Variants in INPP4B observed in about 807,000 individuals in gnomAD.
INPP4B encodes the protein inositol polyphosphate-4-phosphatase type II B.
INPP4B carries 55 observed loss-of-function variants against 122.5 expected under a neutral mutation model. The ratio of observed to expected loss-of-function variants is 0.45; its 90% confidence interval spans 0.36 to 0.56. The LOEUF (loss-of-function observed/expected upper bound fraction) is 0.56. Among genes scored for constraint, INPP4B ranks in the 20% least tolerant of loss-of-function variants. INPP4B has a pLI of 0.00. For synonymous variants in INPP4B, 403 were observed against 388.7 expected (o/e 1.04, Z -0.43); for missense variants, 1,000 against 1,097.7 (o/e 0.91, Z 1.26).
intron 2 of INPP4B, among the ~76,000 whole-genome samples, chr4:142,574,842 G>T (rs1391310793): frequency 6.6e-6 from 1 of 152,028 alleles, no homozygotes. Context: ...GCTCCCTAAA[G>T]GGAAGGCAGG....
intron 2 of INPP4B, among the ~76,000 whole-genome samples, chr4:142,464,290 A>G (rs570549713): frequency 6.6e-6 from 1 of 152,298 alleles, no homozygotes; most frequent in Non-Finnish European, 1.5e-5. Context: ...TATCTTTTAT[A>G]AAATGATTTC....
At chr4:142,232,019 C>T (rs983902184) in intron 12 of INPP4B, among the ~76,000 whole-genome samples, 14 of 152,018 alleles carry the variant, frequency 9.2e-5, no homozygotes, top group Non-Finnish European at 1.8e-4. Flanking sequence ...CAAATATTGT[C>T]GATGAGTGCT....
At chr4:142,511,606 C>T (rs2149869306) in intron 2 of INPP4B, among the ~76,000 whole-genome samples, 1 of 152,232 alleles carries the variant, frequency 6.6e-6, no homozygotes, top group Admixed American at 6.5e-5. Flanking sequence ...GCATTAGAAT[C>T]ACCTATGGAG....
chr4:142,103,505 T>C (rs745949315), intron 23 of INPP4B, among the ~76,000 whole-genome samples: 34 of 152,006 alleles, frequency 2.2e-4, no homozygotes, highest in Non-Finnish European at 3.1e-4. Context: ...ATACAACGAG[T>C]GTCAGAAGTG....
chr4:142,048,536 A>G (rs982718885), intron 25 of INPP4B, among the ~76,000 whole-genome samples: 8 of 151,932 alleles, frequency 5.3e-5, no homozygotes, highest in Non-Finnish European at 8.8e-5. Flanking sequence ...AAAAAGAAAT[A>G]AAGAGAGGCA....
At position 142,124,601 on chromosome 4, in the gene INPP4B, A is replaced by G; in HGVS notation, c.1880T>C (p.Val627Ala). The G allele has an allele frequency of 6.2e-7, 1 of 1,613,410 alleles. No homozygotes were observed. ...CLMLTLRRDI[V>A]FSQALAGLVC... is the part of the protein sequence containing the mutation. ...ACAGGCACCTACTGCTTGGCTGAAG[A>G]CGATGTCTCTTCTTAGCGTCAGCAT... The change falls in exon 19 of 26, where the codon GTC (valine) becomes GCC (alanine). Residue 627 changes from valine (V) to alanine (A), a missense_variant. Val to Ala is a moderately conservative substitution (Grantham distance 64). Coordinates refer to ENST00000262992, the MANE Select transcript of INPP4B (RefSeq NM_001101669.3).
chr4:142,807,865 A>C (rs1779048584), intron 1 of INPP4B, among the ~76,000 whole-genome samples: 1 of 152,208 alleles, frequency 6.6e-6, no homozygotes, highest in South Asian at 2.1e-4. Flanking sequence ...TAAATATGCT[A>C]ACATTTATAC....
chr4:142,746,328 C>T lies in INPP4B; in HGVS notation c.-253-20427G>A, dbSNP rs149992110. On this transcript the variant is annotated intron_variant, in intron 1 of 25. Transcript: ENST00000262992. ...TATGACTTACAAGGGATGTGAAGAGCCTCTTCAAGGGGAACTACAAACCAC... is the reference window on the plus strand; with the variant it reads ...TATGACTTACAAGGGATGTGAAGAGTCTCTTCAAGGGGAACTACAAACCAC... Among the ~76,000 whole-genome samples the T allele has an allele frequency of 1.9e-3, 293 of 151,974 alleles. 4 individuals carry two copies. The East Asian group carries it at 0.051, about 26-fold the overall frequency.
At chr4:142,625,492 CAAAT>C (rs1746136773) in intron 2 of INPP4B, among the ~76,000 whole-genome samples, 1 of 152,046 alleles carries the variant, frequency 6.6e-6, no homozygotes, top group African/African-American at 2.4e-5. Context: ...AGGACACAAA[CAAAT>C]AGAAGAACAT....
intron 1 of INPP4B, among the ~76,000 whole-genome samples, chr4:142,833,056 G>GT (rs770307066): frequency 0.016 from 2,434 of 148,692 alleles, 32 homozygotes; most frequent in Non-Finnish European, 0.023. Flanking sequence ...TTTTTTTCTA[G>GT]TTTTTTTTTT....
In INPP4B at chr4:142,562,714, A is replaced by C. The variant is rs1050085040; in HGVS notation, c.-190-99988T>G. On this transcript the variant is annotated intron_variant, in intron 2 of 25. Coordinates refer to ENST00000262992, the MANE Select transcript of INPP4B (RefSeq NM_001101669.3). ...TTATTTAGAATCTATAAGAAAAAAAAATAGAGAGATAATAAAATAAAGAGA... is the reference window on the plus strand; with the variant it reads ...TTATTTAGAATCTATAAGAAAAAAACATAGAGAGATAATAAAATAAAGAGA... Among the ~76,000 whole-genome samples the C allele has an allele frequency of 5.7e-4, 87 of 152,300 alleles. 2 individuals carry two copies. The highest frequency in any genetic ancestry group is 1.2e-3 in the Non-Finnish European group (81 of 68,022).
intron 18 of INPP4B, 111 bp from the exon 19 acceptor site, chr4:142,124,871 T>C: frequency 1.2e-6 from 1 of 806,176 alleles, no homozygotes; most frequent in Non-Finnish European, 1.8e-6. Context: ...AGACATATTC[T>C]TAAGGATTCA....
chr4:142,208,863 C>A, intron 13 of INPP4B, 33 bp downstream of exon 13: 1 of 1,426,434 alleles, frequency 7.0e-7, no homozygotes, highest in Non-Finnish European at 9.3e-7. Flanking sequence ...AAATGCAATT[C>A]ACTTTGAGTA....
rs1751770717 is a variant in INPP4B, at chr4:142,646,332, A to G, written c.-191+79507T>C. ...TAAGTCATTATAATATTTTTAGACTATCAGCTACAAAGAAGATCCTATTTT... is the reference window on the plus strand; with the variant it reads ...TAAGTCATTATAATATTTTTAGACTGTCAGCTACAAAGAAGATCCTATTTT... On this transcript the variant is annotated intron_variant, in intron 2 of 25. Transcript: ENST00000262992. Among the ~76,000 whole-genome samples, 2 of 152,326 alleles carry G rather than the reference A, an allele frequency of 1.3e-5. 1 individual carries two copies.
chr4:142,394,915 T>G (rs1365047665), intron 7 of INPP4B, among the ~76,000 whole-genome samples: 1 of 152,220 alleles, frequency 6.6e-6, no homozygotes, highest in Non-Finnish European at 1.5e-5. Context: ...CCCCACATTT[T>G]CTTCTAGTTC....
At chr4:142,124,968 A>G (rs955746034) in intron 18 of INPP4B, among the ~76,000 whole-genome samples, 1 of 152,118 alleles carries the variant, frequency 6.6e-6, no homozygotes, top group African/African-American at 2.4e-5. Context: ...GACCTCTCCA[A>G]GTGGATGCAT....
intron 5 of INPP4B, chr4:142,423,612 A>C: frequency 4.6e-6 from 1 of 215,740 alleles, no homozygotes. Flanking sequence ...CTACCTAAGG[A>C]CCTCTTGTCA....
chr4:142,410,655 A>G (rs748640402), intron 5 of INPP4B, among the ~76,000 whole-genome samples: 1 of 152,222 alleles, frequency 6.6e-6, no homozygotes, highest in Non-Finnish European at 1.5e-5. Flanking sequence ...TGAGAGAGCT[A>G]TATATGACTT....
At chr4:142,598,649 A>C (rs962243942) in intron 2 of INPP4B, among the ~76,000 whole-genome samples, 1 of 152,142 alleles carries the variant, frequency 6.6e-6, no homozygotes, top group African/African-American at 2.4e-5. Context: ...GGGCAAAGGA[A>C]ACCAAAGCAC....
Sources: allele counts gnomAD v4.1 joint callset (sites outside exome capture counted in the v4.1 genomes callset), GRCh38; gene constraint gnomAD v4.1.1; transcripts MANE v1.5; gene names NCBI Gene and HGNC (gene_info 2026-07-23, HGNC 2026-07-21).